Variants in ARHGAP15 observed in about 807,000 individuals in gnomAD.
ARHGAP15 encodes the protein Rho GTPase activating protein 15.
In ARHGAP15, 51 loss-of-function variants were observed where a neutral mutation model predicts 63.7. The observed-to-expected ratio is 0.80, with a 90% CI of 0.64 to 1.01. The LOEUF (loss-of-function observed/expected upper bound fraction) is 1.01, where lower values mean the gene tolerates loss of function less well. Ranked by LOEUF, ARHGAP15 falls within the 50% of genes least tolerant of loss-of-function variation. The pLI, the probability that ARHGAP15 is intolerant of heterozygous loss-of-function variation, is 0.00. For synonymous variants in ARHGAP15, 191 were observed against 193.8 expected, an observed-to-expected ratio of 0.99 and a Z score of 0.12; for missense variants, 560 against 564.6, an observed-to-expected ratio of 0.99 and a Z score of 0.08.
At chr2:143,453,853 C>G (rs969589822) in intron 8 of ARHGAP15, among the ~76,000 whole-genome samples, 4 of 150,728 alleles carry the variant, frequency 2.7e-5, no homozygotes, top group Non-Finnish European at 5.9e-5. Flanking sequence ...TTCCCAGAGA[C>G]AGGCTTTTCA....
At chr2:143,264,115 A>G (rs746142896) in intron 6 of ARHGAP15, among the ~76,000 whole-genome samples, 1 of 151,534 alleles carries the variant, frequency 6.6e-6, no homozygotes, top group Non-Finnish European at 1.5e-5. Context: ...CTGTTCATGG[A>G]ACTTTCTTAA....
chr2:143,331,754 A>G (rs150520065), intron 6 of ARHGAP15, among the ~76,000 whole-genome samples: 69 of 152,268 alleles, frequency 4.5e-4, no homozygotes, highest in African/African-American at 1.6e-3. Context: ...CTTCTGAGGT[A>G]AAGAGAAATG....
chr2:143,720,709 A>G (rs1349845000), intron 13 of ARHGAP15, among the ~76,000 whole-genome samples: 9 of 152,174 alleles, frequency 5.9e-5, no homozygotes, highest in Non-Finnish European at 1.2e-4. Context: ...CTTCCCTAAA[A>G]GAGGCACACG....
At chr2:143,485,165 G>C (rs1692269556) in intron 8 of ARHGAP15, among the ~76,000 whole-genome samples, 1 of 152,154 alleles carries the variant, frequency 6.6e-6, no homozygotes, top group Non-Finnish European at 1.5e-5. Flanking sequence ...ATGGTGGTTT[G>C]CTGCAACTAT....
At chr2:143,499,969 A>G (rs898350737) in intron 9 of ARHGAP15, among the ~76,000 whole-genome samples, 1 of 152,116 alleles carries the variant, frequency 6.6e-6, no homozygotes, top group Non-Finnish European at 1.5e-5. Flanking sequence ...CAATACTTAT[A>G]TAAAACAGGC....
At chr2:143,176,947 T>G (rs1038194724) in intron 2 of ARHGAP15, among the ~76,000 whole-genome samples, 5 of 152,232 alleles carry the variant, frequency 3.3e-5, no homozygotes, top group Admixed American at 3.3e-4. Context: ...TTCAGCTTCC[T>G]TATGGCATAG....
chr2:143,178,913 A>T (rs895298866), intron 2 of ARHGAP15, among the ~76,000 whole-genome samples: 3 of 152,264 alleles, frequency 2.0e-5, no homozygotes, highest in African/African-American at 4.8e-5. Flanking sequence ...GCCAGTCTGG[A>T]ATCACCAATT....
chr2:143,516,006 T>A (rs576708066), intron 9 of ARHGAP15, among the ~76,000 whole-genome samples: 1 of 152,326 alleles, frequency 6.6e-6, no homozygotes, highest in Admixed American at 6.5e-5. Context: ...CTTTTACTTG[T>A]CTTTCCTTAT....
intron 3 of ARHGAP15, among the ~76,000 whole-genome samples, chr2:143,210,603 T>C (rs573131607): frequency 3.4e-4 from 52 of 152,230 alleles, no homozygotes; most frequent in African/African-American, 1.2e-3. Flanking sequence ...AAGCTGGACA[T>C]GTTGTCTTAT....
In ARHGAP15 at chr2:143,412,623, G is replaced by A. The variant is rs189844712; in HGVS notation, c.475-22978G>A. On this transcript the variant is annotated intron_variant, in intron 6 of 13. Transcript: ENST00000295095. The stretch of plus-strand genomic sequence containing the variant: ...AAGAATTTCTTGGTCTTTAGTTTTT[G>A]TATTTACTTATGGTATAGCTAGGAC... 3.7e-4 allele frequency among the ~76,000 whole-genome samples: 56 copies of A among 152,024 alleles called. No individual in the cohort carries two copies. In the East Asian group the frequency reaches 5.2e-3, roughly 14 times the overall value.
intron 11 of ARHGAP15, among the ~76,000 whole-genome samples, chr2:143,559,654 A>G (rs149328253): frequency 1.8e-3 from 279 of 152,310 alleles, no homozygotes; most frequent in African/African-American, 5.9e-3. Flanking sequence ...TGCTAATGCC[A>G]TACCTTCCCC....
At chr2:143,581,879 A>G (rs939445621) in intron 11 of ARHGAP15, among the ~76,000 whole-genome samples, 9 of 152,154 alleles carry the variant, frequency 5.9e-5, no homozygotes, top group Non-Finnish European at 1.0e-4. Flanking sequence ...CTCTTTCACA[A>G]TCATTTCATT....
intron 13 of ARHGAP15, among the ~76,000 whole-genome samples, chr2:143,765,316 G>T (rs1314229369): frequency 6.6e-6 from 1 of 152,128 alleles, no homozygotes; most frequent in Non-Finnish European, 1.5e-5. Context: ...ATGTTAAAGA[G>T]AAGCAAAGGT....
intron 6 of ARHGAP15, among the ~76,000 whole-genome samples, chr2:143,385,718 T>C (rs1211640225): frequency 6.6e-6 from 1 of 152,164 alleles, no homozygotes; most frequent in Non-Finnish European, 1.5e-5. Context: ...TGAAGTACCA[T>C]ATTGTTCTCC....
At chr2:143,271,771 C>A (rs1019970590) in intron 6 of ARHGAP15, among the ~76,000 whole-genome samples, 1 of 152,176 alleles carries the variant, frequency 6.6e-6, no homozygotes, top group Non-Finnish European at 1.5e-5. Context: ...CCACCGTGCC[C>A]GGCCGTTTCT....
intron 4 of ARHGAP15, among the ~76,000 whole-genome samples, chr2:143,221,784 ATATACTTGGGG>A (rs1693008293): frequency 6.6e-6 from 1 of 152,134 alleles, no homozygotes; most frequent in Non-Finnish European, 1.5e-5. Context: ...ACATAGAAAG[ATATACTTGGGG>A]GTGAAAATAT....
At chr2:143,381,630 T>G (rs990767562) in intron 6 of ARHGAP15, among the ~76,000 whole-genome samples, 7 of 152,264 alleles carry the variant, frequency 4.6e-5, no homozygotes, top group African/African-American at 1.7e-4. Context: ...GTTCTTGACT[T>G]TGGGGGAGCA....
At chr2:143,720,551 T>C (rs148873784) in intron 13 of ARHGAP15, among the ~76,000 whole-genome samples, 3 of 152,230 alleles carry the variant, frequency 2.0e-5, no homozygotes, top group African/African-American at 7.2e-5. Flanking sequence ...GTGTGACTCA[T>C]TCACCAAGCA....
chr2:143,378,829 A>G (rs1190209170), intron 6 of ARHGAP15, among the ~76,000 whole-genome samples: 2 of 152,072 alleles, frequency 1.3e-5, no homozygotes, highest in Non-Finnish European at 2.9e-5. Context: ...CAATCTCTAA[A>G]GTATTGAAAG....
Sources: allele counts gnomAD v4.1 joint callset (sites outside exome capture counted in the v4.1 genomes callset), GRCh38; gene constraint gnomAD v4.1.1; transcripts MANE v1.5; gene names NCBI Gene and HGNC (gene_info 2026-07-23, HGNC 2026-07-21).